The following JHY variants were observed in gnomAD, a reference collection of about 807,000 sequenced individuals.
The protein encoded by JHY is jhy protein homolog.
Under a neutral mutation model 78.0 loss-of-function variants are expected in JHY, and 69 were observed. That is an observed-to-expected ratio of 0.88 (90% confidence interval 0.73 to 1.08). The LOEUF is 1.08. Ranked by LOEUF, JHY falls within the 50% of genes least tolerant of loss-of-function variation. The pLI is 0.00. For synonymous variants in JHY, 368 were observed against 342.6 expected (o/e 1.07, Z -0.82); for missense variants, 944 against 927.8 (o/e 1.02, Z -0.23).
chr11:122,901,758 A>C (rs1430789885), intron 2 of JHY, among the ~76,000 whole-genome samples: 1 of 151,976 alleles, frequency 6.6e-6, no homozygotes, highest in Non-Finnish European at 1.5e-5. Context: ...CTGTAGTCCC[A>C]GCTACTCGGG....
Position 122,934,444 on chromosome 11 carries a change from T to C in JHY, c.1003T>C (p.Tyr335His), listed in dbSNP as rs1863703662. Residue 335 changes from tyrosine (Y) to histidine (H), a missense_variant, in exon 5 of 9, where the codon TAT (tyrosine) becomes CAT (histidine). By Grantham distance (83) the Tyr-to-His change is moderately conservative (BLOSUM62 2). Transcript: ENST00000227349. ...LKNYQEHWSQ[Y>H]ESTKSSNVPR... ...GAATTACCAGGAACACTGGTCTCAA[T>C]ATGAAAGTACAAAATCAAGCAATGT... 1.9e-6 allele frequency: 3 copies of C among 1,613,264 alleles called. No individual in the cohort carries two copies. Among genetic ancestry groups the C allele is most frequent in the Non-Finnish European group, 2.5e-6 (3 of 1,179,448 alleles).
intron 2 of JHY, among the ~76,000 whole-genome samples, chr11:122,889,055 G>C (rs942531046): frequency 6.6e-6 from 1 of 152,116 alleles, no homozygotes; most frequent in Non-Finnish European, 1.5e-5. Context: ...TGGGCGACTG[G>C]ACATCTTCAA....
chr11:122,903,873 G>A (rs963000375), intron 2 of JHY, 52 bp from the exon 3 acceptor site: 2 of 1,512,538 alleles, frequency 1.3e-6, no homozygotes, highest in African/African-American at 1.4e-5. Flanking sequence ...TGACTATAAT[G>A]AGTGAATTTA....
chr11:122,895,506 CTT>C (rs1489533489), intron 2 of JHY, among the ~76,000 whole-genome samples: 1 of 152,122 alleles, frequency 6.6e-6, no homozygotes, highest in Non-Finnish European at 1.5e-5. Context: ...TAAATGGAGA[CTT>C]TATTTTATTT....
Position 122,935,321 on chromosome 11 carries a change from G to A in JHY, c.1634+246G>A, listed in dbSNP as rs549909905. Among the ~76,000 whole-genome samples the A allele has an allele frequency of 3.2e-4, 48 of 151,508 alleles. No individual in the cohort carries two copies. The highest frequency in any genetic ancestry group is 1.2e-4 in the Non-Finnish European group (8 of 67,922). ...GCCATCTTGGCTCATTGCAACCTCC[G>A]CCTCCCGAGCTCAAGCAATTCTCCT... On this transcript the variant is annotated intron_variant, in intron 5 of 8. Transcript: ENST00000227349. This position sits in a 1 kb window ranked among gnomAD's most constrained non-coding sequence, Gnocchi z 4.5.
chr11:122,939,983 T>C (rs1863838895), intron 5 of JHY, among the ~76,000 whole-genome samples: 1 of 151,428 alleles, frequency 6.6e-6, no homozygotes, highest in African/African-American at 2.4e-5. Flanking sequence ...TTTAAATTCC[T>C]GATCCAGTAT....
intron 3 of JHY, among the ~76,000 whole-genome samples, chr11:122,924,066 T>C (rs1863439326): frequency 6.6e-6 from 1 of 152,042 alleles, no homozygotes; most frequent in Non-Finnish European, 1.5e-5. Flanking sequence ...AGTAGATAGG[T>C]AACTTTTAAA....
At position 122,885,854 on chromosome 11, in the gene JHY, G is replaced by T; in HGVS notation, c.5G>T (p.Ser2Ile). ...TAATTTTTTGCATTTTTCAAGATGA[G>T]TAAACGTAAACTAATTCCCAAGCTC... Reference protein sequence around the residue: MSKRKLIPKLSI... With the variant: MIKRKLIPKLSI... The change falls in exon 2 of 9, where the codon AGT becomes ATT. Residue 2 changes from serine to isoleucine, a missense_variant. Physicochemically the swap from Ser to Ile is moderately radical, Grantham distance 142. Transcript: ENST00000227349. The T allele has an allele frequency of 1.2e-6, 2 of 1,602,384 alleles. No individual in the cohort carries two copies. The highest frequency in any genetic ancestry group is 1.7e-6 in the Non-Finnish European group (2 of 1,171,890).
chr11:122,928,071 C>T (rs146664694), intron 4 of JHY, among the ~76,000 whole-genome samples: 60 of 152,172 alleles, frequency 3.9e-4, no homozygotes, highest in African/African-American at 1.4e-3. Context: ...TTTAAGGTAC[C>T]GATTGTATTT....
chr11:122,911,834 G>A (rs1190967537), intron 3 of JHY, among the ~76,000 whole-genome samples: 1 of 148,452 alleles, frequency 6.7e-6, no homozygotes, highest in Non-Finnish European at 1.5e-5. Context: ...GAACCCGGGA[G>A]GTGGAGGTTA....
rs1470103219 is a variant in JHY, at chr11:122,883,456, C to T, written c.-90+484C>T. ...AGTTCGATTGTCCCATGCTAGTGGA[C>T]TAGACCCACTGCAGGGATCCCTGGG... is the stretch of plus-strand genomic sequence containing the variant. On this transcript the variant is annotated intron_variant, in intron 1 of 8. Coordinates refer to ENST00000227349, the MANE Select transcript of JHY (RefSeq NM_024806.4). The surrounding 1 kb of genome is among the most constrained non-coding windows in gnomAD (Gnocchi z 4.4). 1.3e-5 allele frequency among the ~76,000 whole-genome samples: 2 copies of T among 152,204 alleles called. No individual in the cohort carries two copies. Among genetic ancestry groups the T allele is most frequent in the African/African-American group, 4.8e-5 (2 of 41,448 alleles).
rs1415162882 is a variant in JHY, at chr11:122,883,583, AC to A, written c.-90+613del. Among the ~76,000 whole-genome samples, 1 of 146,898 alleles carries A rather than the reference AC, an allele frequency of 6.8e-6. No individual in the cohort carries two copies. Among genetic ancestry groups the A allele is most frequent in the Non-Finnish European group, 1.5e-5 (1 of 66,970 alleles). On this transcript the variant is annotated intron_variant, in intron 1 of 8. Transcript: ENST00000227349. The surrounding 1 kb of genome is among the most constrained non-coding windows in gnomAD (Gnocchi z 4.4). Reference sequence around the variant, plus strand: ...CTTGGTCAGAAATTTCAGCGGCACAACCTTTTTTTTTTTTCACTGGACGGGA... The same window carrying A: ...CTTGGTCAGAAATTTCAGCGGCACAACTTTTTTTTTTTTCACTGGACGGGA...
At chr11:122,890,811 G>T (rs1210363737) in intron 2 of JHY, among the ~76,000 whole-genome samples, 7 of 152,150 alleles carry the variant, frequency 4.6e-5, no homozygotes, top group African/African-American at 1.7e-4. Context: ...TTTTAATGAT[G>T]AACTGTAAAT....
intron 3 of JHY, among the ~76,000 whole-genome samples, chr11:122,911,563 A>T (rs1863125320): frequency 6.6e-6 from 1 of 152,204 alleles, no homozygotes; most frequent in Non-Finnish European, 1.5e-5. Context: ...TAACAAAATA[A>T]TTTCAGATAC....
intron 3 of JHY, among the ~76,000 whole-genome samples, chr11:122,913,097 G>A (rs1863165356): frequency 6.6e-6 from 1 of 152,010 alleles, no homozygotes; most frequent in African/African-American, 2.4e-5. Context: ...ACGTTCACAC[G>A]CCCTAGGAGG....
At chr11:122,933,734 A>G (rs980176250) in intron 4 of JHY, among the ~76,000 whole-genome samples, 1 of 152,222 alleles carries the variant, frequency 6.6e-6, no homozygotes. Context: ...CTAGCTTCTG[A>G]CCAGCATGAG....
At chr11:122,943,181 A>G (rs560427850) in intron 5 of JHY, among the ~76,000 whole-genome samples, 2 of 152,336 alleles carry the variant, frequency 1.3e-5, no homozygotes, top group African/African-American at 2.4e-5. Flanking sequence ...AGCTAGTTCT[A>G]AGTATTTTCT....
At chr11:122,913,138 C>T (rs1863166521) in intron 3 of JHY, among the ~76,000 whole-genome samples, 1 of 152,126 alleles carries the variant, frequency 6.6e-6, no homozygotes, top group South Asian at 2.1e-4. Flanking sequence ...CAAAAGACTG[C>T]CTGCAAAGGG....
chr11:122,955,277 C>T (rs920401441), intron 6 of JHY, among the ~76,000 whole-genome samples: 2 of 152,040 alleles, frequency 1.3e-5, no homozygotes, highest in Non-Finnish European at 2.9e-5. Context: ...CCTGCCACCA[C>T]GCCCACCTAA....
Sources: gnomAD v4.1 joint callset for allele counts (sites outside exome capture counted in the v4.1 genomes callset) on GRCh38, gnomAD v4.1.1 for gene constraint, Gnocchi (gnomAD v3.1) non-coding constraint, MANE v1.5 for transcripts, NCBI Gene and HGNC (gene_info 2026-07-23, HGNC 2026-07-21) for gene names.